Variants in ACSM3 observed in about 807,000 individuals in gnomAD.
ACSM3 encodes the protein acyl-CoA synthetase medium chain family member 3, also known as acyl-coenzyme A synthetase ACSM3, mitochondrial.
ACSM3 carries 61 observed loss-of-function variants against 74.1 expected under a neutral mutation model. The observed-to-expected ratio is 0.82, with a 90% CI of 0.67 to 1.02. The LOEUF (loss-of-function observed/expected upper bound fraction) is 1.02. Ranked by LOEUF, ACSM3 falls within the 50% of genes least tolerant of loss-of-function variation. The pLI is 0.00. For missense variants in ACSM3, 660 were observed against 697.0 expected, an observed-to-expected ratio of 0.95 and a Z score of 0.60; for synonymous variants, 213 against 241.5, an observed-to-expected ratio of 0.88 and a Z score of 1.09.
chr16:20,710,224 G>A (rs1357913362), intron 1 of ACSM3, among the ~76,000 whole-genome samples: 1 of 152,106 alleles, frequency 6.6e-6, no homozygotes, highest in Admixed American at 6.6e-5. Context: ...TAGAGTGGAG[G>A]GCTGGCTCTG....
chr16:20,682,164 A>G (rs1471016120), intron 1 of ACSM3: 5 of 1,250,970 alleles, frequency 4.0e-6, no homozygotes, highest in Non-Finnish European at 5.6e-6. Context: ...AATAATAAAT[A>G]CATCCTCCTC....
At chr16:20,711,645 C>T in intron 1 of ACSM3, 1 of 827,396 alleles carries the variant, frequency 1.2e-6, no homozygotes, top group Middle Eastern at 2.5e-4. Context: ...CTCCACAAAG[C>T]CGGAACAGGT....
chr16:20,705,889 T>C (rs1439349595), intron 1 of ACSM3, among the ~76,000 whole-genome samples: 3 of 152,046 alleles, frequency 2.0e-5, no homozygotes, highest in Non-Finnish European at 2.9e-5. Context: ...AGTGGAAAAA[T>C]AGAAATGATT....
chr16:20,790,797 A>G lies in ACSM3; in HGVS notation c.1326+109A>G. 1 of 1,613,342 alleles carries G rather than the reference A, an allele frequency of 6.2e-7. No homozygotes were observed. Among genetic ancestry groups the G allele is most frequent in the African/African-American group, 1.3e-5 (1 of 74,962 alleles). ...AGGATAGGTACTTGACCCTTTCTTG[A>G]GAGATTGGTTGTCCTGAATAGTAAT... is the stretch of plus-strand genomic sequence containing the variant. On this transcript the variant is annotated intron_variant, in intron 10 of 13. Coordinates refer to ENST00000289416, the MANE Select transcript of ACSM3 (RefSeq NM_005622.4). This position sits in a 1 kb window ranked among gnomAD's most constrained non-coding sequence, Gnocchi z 4.0.
intron 1 of ACSM3, among the ~76,000 whole-genome samples, chr16:20,717,799 T>C (rs1206068209): frequency 6.9e-6 from 1 of 144,092 alleles, no homozygotes; most frequent in Non-Finnish European, 1.5e-5. Flanking sequence ...TATAGGGAGA[T>C]GAAGCTTAAA....
intron 1 of ACSM3, chr16:20,682,055 G>C (rs2079456732): frequency 1.8e-6 from 1 of 543,078 alleles, no homozygotes; most frequent in Non-Finnish European, 3.3e-6. Flanking sequence ...CCCCTGCACA[G>C]ATCTCCCCTC....
chr16:20,738,811 G>A (rs2301769), intron 1 of ACSM3: 269,663 of 1,479,228 alleles, frequency 0.18, 28,137 homozygotes, highest in East Asian at 0.43. Context: ...TCATGCCCAA[G>A]AAGCCATTTT....
chr16:20,709,158 T>C (rs957311030), intron 1 of ACSM3, among the ~76,000 whole-genome samples: 3 of 152,142 alleles, frequency 2.0e-5, no homozygotes, highest in African/African-American at 7.2e-5. Flanking sequence ...GATATCCACA[T>C]GCTGAATGGC....
chr16:20,711,520 C>T, intron 1 of ACSM3: 3 of 1,417,662 alleles, frequency 2.1e-6, no homozygotes, highest in Non-Finnish European at 2.9e-6. Context: ...AAAATATATC[C>T]TCTACCGGCT....
In ACSM3 at chr16:20,700,344, A is replaced by G. The variant is rs190286138; in HGVS notation, c.-190+25522A>G. ...AGCCAATAAGCAAAAAGTCAATTAAATAAGCAAGAGGATTTCAAATGGTGA... is the reference window on the plus strand; with the variant it reads ...AGCCAATAAGCAAAAAGTCAATTAAGTAAGCAAGAGGATTTCAAATGGTGA... On this transcript the variant is annotated intron_variant, in intron 1 of 3. Transcript: ENST00000561584. Among the ~76,000 whole-genome samples, 3 of 152,304 alleles carry G rather than the reference A, an allele frequency of 2.0e-5. No homozygotes were observed. In the Middle Eastern group the frequency reaches 0.01, roughly 518 times the overall value.
At chr16:20,695,649 TCTAC>T (rs1319708492) in intron 1 of ACSM3, among the ~76,000 whole-genome samples, 3 of 151,606 alleles carry the variant, frequency 2.0e-5, no homozygotes, top group East Asian at 3.9e-4. Context: ...CGTCTATCTA[TCTAC>T]CTATTACCTA....
intron 1 of ACSM3, chr16:20,685,308 G>A: frequency 6.2e-7 from 1 of 1,614,192 alleles, no homozygotes; most frequent in Non-Finnish European, 8.5e-7. Context: ...TGGCTACACG[G>A]CGGGTTAGGT....
At chr16:20,793,314 C>T in intron 12 of ACSM3, among the ~76,000 whole-genome samples, 1 of 151,936 alleles carries the variant, frequency 6.6e-6, no homozygotes, top group Non-Finnish European at 1.5e-5. Context: ...ACTAAAAATA[C>T]AAAAATTAGC....
chr16:20,691,128 G>A, intron 1 of ACSM3: 1 of 1,613,114 alleles, frequency 6.2e-7, no homozygotes, highest in Non-Finnish European at 8.5e-7. Flanking sequence ...GGGGCAGGGT[G>A]GATGTTGTGG....
chr16:20,755,811 G>C (rs2080026819), intron 3 of ACSM3, among the ~76,000 whole-genome samples: 1 of 108,830 alleles, frequency 9.2e-6, no homozygotes, highest in Non-Finnish European at 1.7e-5. Context: ...AGTCCCCAGA[G>C]TGTGATGTTC....
At chr16:20,791,825 G>A (rs2080604737) in intron 10 of ACSM3, among the ~76,000 whole-genome samples, 177 bp from the exon 11 acceptor site, 1 of 152,084 alleles carries the variant, frequency 6.6e-6, no homozygotes, top group South Asian at 2.1e-4. Flanking sequence ...CTATTTGGAA[G>A]GCTGAGGCAG....
In ACSM3 at chr16:20,780,734, C is replaced by T. The variant is rs140383492; in HGVS notation, c.659C>T (p.Thr220Ile). 8 of 1,614,056 alleles carry T rather than the reference C, an allele frequency of 5.0e-6. No individual in the cohort carries two copies. The African/African-American group carries it at 8.0e-5, about 16-fold the overall frequency. The part of the protein sequence containing the change: ...ELMKHASDSH[T>I]CVKTKHNEIM... ...TGCAGACATGCCAGTGACAGCCACA[C>T]CTGTGTGAAGACAAAACACAATGAG... The change falls in exon 5 of 14, where the codon ACC (threonine) becomes ATC (isoleucine). Residue 220 changes from threonine (T) to isoleucine (I), a missense_variant. Transcript: ENST00000289416.
Position 20,797,156 on chromosome 16 carries a change from C to T in ACSM3, c.*184C>T, listed in dbSNP as rs1220810103. 1 of 1,345,330 alleles carries T rather than the reference C, an allele frequency of 7.4e-7. No individual in the cohort carries two copies. Among genetic ancestry groups the T allele is most frequent in the East Asian group, 3.1e-5 (1 of 32,146 alleles). 83.3% of individuals were successfully genotyped at this position (1,345,330 alleles called of 1,614,324 possible). ...AAATAAAATATTTGGCAAATTCCTC[C>T]ACATTAGTGTCAATGTTCCTATCAT... On this transcript the variant is annotated 3_prime_UTR_variant, in exon 14 of 14. Coordinates refer to ENST00000289416, the MANE Select transcript of ACSM3 (RefSeq NM_005622.4).
At chr16:20,763,356 G>A (rs2152446940), upstream of ACSM3, among the ~76,000 whole-genome samples, 1 of 152,330 alleles carries the variant, frequency 6.6e-6, no homozygotes, top group Admixed American at 6.5e-5. Context: ...TTTGGCCAGG[G>A]GGATATCTGA....
Sources: gnomAD v4.1 joint callset for allele counts (sites outside exome capture counted in the v4.1 genomes callset) on GRCh38, gnomAD v4.1.1 for gene constraint, Gnocchi (gnomAD v3.1) non-coding constraint, MANE v1.5 for transcripts, NCBI Gene and HGNC (gene_info 2026-07-23, HGNC 2026-07-21) for gene names.